The following GRID2 variants were observed in gnomAD, a reference collection of about 807,000 sequenced individuals.
GRID2 encodes the protein glutamate receptor ionotropic, delta-2.
GRID2 carries 33 observed loss-of-function variants against 114.8 expected under a neutral mutation model. That is an observed-to-expected ratio of 0.29 (90% CI 0.22 to 0.38). The LOEUF (loss-of-function observed/expected upper bound fraction) is 0.38, where lower values mean the gene tolerates loss of function less well. Among genes scored for constraint, GRID2 ranks in the 10% least tolerant of loss-of-function variants. GRID2 has a pLI of 1.00. For synonymous variants in GRID2, 505 were observed against 449.9 expected, an observed-to-expected ratio of 1.12 and a Z score of -1.55; for missense variants, 1,184 against 1,257.7, an observed-to-expected ratio of 0.94 and a Z score of 0.89.
At chr4:93,439,550 TA>T (rs1721428684) in intron 10 of GRID2, among the ~76,000 whole-genome samples, 4 of 152,216 alleles carry the variant, frequency 2.6e-5, no homozygotes, top group Admixed American at 2.6e-4. Flanking sequence ...TGAGAATTTC[TA>T]AAAGTTTAGG....
chr4:92,985,470 G>A (rs969979424), intron 2 of GRID2, among the ~76,000 whole-genome samples: 3 of 151,916 alleles, frequency 2.0e-5, no homozygotes, highest in African/African-American at 4.8e-5. Context: ...ATCTCCTGAC[G>A]TCGTGATCTG....
intron 2 of GRID2, among the ~76,000 whole-genome samples, chr4:92,812,235 G>A (rs1740695922): frequency 6.6e-6 from 1 of 151,440 alleles, no homozygotes; most frequent in Non-Finnish European, 1.5e-5. Context: ...ATCTGTGAGT[G>A]AGATATATGT....
intron 12 of GRID2, 145 bp downstream of exon 12, chr4:93,490,922 A>G: frequency 1.8e-6 from 1 of 565,014 alleles, no homozygotes. Context: ...ACTGCAAAGT[A>G]TCACTGATTA....
rs192019119 is a variant in GRID2 at position 92,523,899 on chromosome 4, C to T, written c.89-66232C>T. On this transcript the variant is annotated intron_variant, in intron 1 of 15. Coordinates refer to ENST00000282020, the MANE Select transcript of GRID2 (RefSeq NM_001510.4). Reference sequence around the variant, plus strand: ...TGGGCAAAGAGAGAATTACATTATCCTCTAAGAGTATCATGTCTCCCTCAT... The same window carrying T: ...TGGGCAAAGAGAGAATTACATTATCTTCTAAGAGTATCATGTCTCCCTCAT... Among the ~76,000 whole-genome samples the T allele has an allele frequency of 2.6e-5, 4 of 152,084 alleles. No individual in the cohort carries two copies. In the East Asian group the frequency reaches 7.8e-4, roughly 30 times the overall value.
chr4:92,415,734 A>ATGTG (rs1285685766), intron 1 of GRID2, among the ~76,000 whole-genome samples: 64 of 40,992 alleles, frequency 1.6e-3, no homozygotes, highest in African/African-American at 4.9e-3. Flanking sequence ...GTGTGTGTGT[A>ATGTG]TGTGTGTATA....
chr4:93,208,526 G>A (rs1743078759), intron 5 of GRID2, among the ~76,000 whole-genome samples: 1 of 151,882 alleles, frequency 6.6e-6, no homozygotes, highest in South Asian at 2.1e-4. Flanking sequence ...TTATCTTATG[G>A]AATACTAAAC....
chr4:92,997,138 G>A (rs1284970982), intron 2 of GRID2, among the ~76,000 whole-genome samples: 1 of 152,126 alleles, frequency 6.6e-6, no homozygotes, highest in Non-Finnish European at 1.5e-5. Context: ...TTGAGATGTA[G>A]TAGGTGATAC....
At chr4:93,294,468 G>A (rs1006425893) in intron 8 of GRID2, among the ~76,000 whole-genome samples, 1 of 152,166 alleles carries the variant, frequency 6.6e-6, no homozygotes, top group Non-Finnish European at 1.5e-5. Context: ...GAGAGTGTGT[G>A]TGTGTGTACA....
intron 2 of GRID2, among the ~76,000 whole-genome samples, chr4:92,646,454 T>A (rs1290895402): frequency 2.0e-5 from 3 of 152,180 alleles, no homozygotes; most frequent in African/African-American, 4.8e-5. Context: ...TTTTTCTTGT[T>A]CTTAACACTT....
At chr4:92,545,578 A>G (rs576187157) in intron 1 of GRID2, among the ~76,000 whole-genome samples, 2 of 152,306 alleles carry the variant, frequency 1.3e-5, no homozygotes, top group South Asian at 4.1e-4. Flanking sequence ...GCATACTTTA[A>G]AGTTCAAAAT....
At chr4:92,621,635 G>T (rs1198751064) in intron 2 of GRID2, among the ~76,000 whole-genome samples, 1 of 151,422 alleles carries the variant, frequency 6.6e-6, no homozygotes, top group East Asian at 1.9e-4. Context: ...ACTTAGCGCA[G>T]GGCAAAAAGC....
At chr4:92,416,217 C>T (rs1305322203) in intron 1 of GRID2, among the ~76,000 whole-genome samples, 2 of 151,988 alleles carry the variant, frequency 1.3e-5, no homozygotes, top group Non-Finnish European at 2.9e-5. Flanking sequence ...TGAGAATCAT[C>T]TGCTCATGTC....
At chr4:93,383,549 C>T (rs1764059573) in intron 8 of GRID2, among the ~76,000 whole-genome samples, 1 of 152,134 alleles carries the variant, frequency 6.6e-6, no homozygotes, top group South Asian at 2.1e-4. Context: ...GCAGTTGTTG[C>T]CTACATGGGG....
chr4:93,711,572 C>A (rs1728481365), intron 14 of GRID2, among the ~76,000 whole-genome samples: 1 of 152,152 alleles, frequency 6.6e-6, no homozygotes, highest in Non-Finnish European at 1.5e-5. Flanking sequence ...CAAGTTCTGA[C>A]CAGTGGGATG....
chr4:93,789,764 C>T (rs1734660725), intron 1 of GRID2, among the ~76,000 whole-genome samples: 1 of 152,152 alleles, frequency 6.6e-6, no homozygotes, highest in African/African-American at 2.4e-5. Context: ...TATTCACATA[C>T]TCCCTAAAAT....
chr4:93,737,498 G>A (rs1010143356), intron 14 of GRID2, among the ~76,000 whole-genome samples: 4 of 152,056 alleles, frequency 2.6e-5, no homozygotes, highest in Non-Finnish European at 2.9e-5. Context: ...GATGAGACAG[G>A]AGGGTCACTT....
At chr4:93,717,054 CCTG>C (rs1246972429) in intron 14 of GRID2, among the ~76,000 whole-genome samples, 1 of 152,010 alleles carries the variant, frequency 6.6e-6, no homozygotes, top group African/African-American at 2.4e-5. Context: ...TAAAAGATTT[CCTG>C]CTAACTATTC....
At chr4:92,850,256 G>A (rs1743673818) in intron 2 of GRID2, among the ~76,000 whole-genome samples, 2 of 151,378 alleles carry the variant, frequency 1.3e-5, no homozygotes, top group East Asian at 3.9e-4. Flanking sequence ...GATATACATT[G>A]AAATAAAATA....
intron 1 of GRID2, among the ~76,000 whole-genome samples, chr4:92,523,725 G>A (rs534533234): frequency 6.6e-5 from 10 of 152,122 alleles, no homozygotes; most frequent in Middle Eastern, 3.4e-3. Flanking sequence ...GCAGAGGGAC[G>A]CAGGTGGAAG....
Sources: allele counts gnomAD v4.1 joint callset (sites outside exome capture counted in the v4.1 genomes callset), GRCh38; gene constraint gnomAD v4.1.1; transcripts MANE v1.5; gene names NCBI Gene and HGNC (gene_info 2026-07-23, HGNC 2026-07-21).